Variants in NOX1 observed in about 807,000 individuals in gnomAD.
The protein encoded by NOX1 is NADPH oxidase 1, also known as NADH/NADPH mitogenic oxidase subunit P65-MOX.
In NOX1, 34 loss-of-function variants were observed where a neutral mutation model predicts 42.5. The observed-to-expected ratio is 0.80, with a 90% CI of 0.61 to 1.07. The LOEUF (loss-of-function observed/expected upper bound fraction) is 1.07, where lower values mean the gene tolerates loss of function less well. Among genes scored for constraint, NOX1 ranks in the 50% least tolerant of loss-of-function variants. The pLI is 0.00. For synonymous variants in NOX1, 143 were observed against 152.5 expected, an observed-to-expected ratio of 0.94 and a Z score of 0.46; for missense variants, 408 against 427.0, an observed-to-expected ratio of 0.96 and a Z score of 0.39.
intron 7 of NOX1, among the ~76,000 whole-genome samples, chrX:100,861,152 G>A (rs975497326): frequency 7.2e-5 from 8 of 111,418 alleles, no homozygotes; most frequent in African/African-American, 1.6e-4. Context: ...AACTTCCCAC[G>A]TGGTCTTAAG....
chrX:100,853,523 C>G (rs1358792973), intron 7 of NOX1, among the ~76,000 whole-genome samples: 1 of 105,921 alleles, frequency 9.4e-6, no homozygotes, highest in Admixed American at 1.0e-4. Flanking sequence ...GCTTCAGCCT[C>G]CCAAGTAGCT....
intron 7 of NOX1, among the ~76,000 whole-genome samples, chrX:100,855,031 T>C (rs2085156800): frequency 9.0e-6 from 1 of 111,368 alleles, no homozygotes; most frequent in Non-Finnish European, 1.9e-5. Context: ...GCAAAAAAAA[T>C]CTACATTAAA....
In NOX1 at chrX:100,850,319, C is replaced by T. The variant is rs372154041; in HGVS notation, c.965G>A (p.Gly322Glu). 1 of 1,209,033 alleles carries T rather than the reference C, an allele frequency of 8.3e-7. No individual in the cohort carries two copies. The highest frequency in any genetic ancestry group is 1.1e-6 in the Non-Finnish European group (1 of 893,954). Residue 322 changes from glycine (G) to glutamate (E), a missense_variant, in exon 9 of 13, where the codon GGG becomes GAG. Gly to Glu is a moderately conservative substitution (Grantham distance 98). Transcript: ENST00000372966. ...GGGGCAATTAACAAAGATATACTGC[C>T]CCACTTCCATGCTGAAGCCACGCTT... Reference protein sequence around the residue: ...MNKRGFSMEVGQYIFVNCPSI... With the variant: ...MNKRGFSMEVEQYIFVNCPSI...
At chrX:100,868,820 C>T (rs1265777554) in intron 2 of NOX1, among the ~76,000 whole-genome samples, 2 of 111,331 alleles carry the variant, frequency 1.8e-5, no homozygotes, top group African/African-American at 6.5e-5. Context: ...ATTAATCCAT[C>T]TTGAATTGAT....
chrX:100,863,066 G>C (rs924607352), intron 4 of NOX1, 93 bp downstream of exon 4: 69 of 718,885 alleles, frequency 9.6e-5, no homozygotes, highest in Non-Finnish European at 1.4e-4. Flanking sequence ...CCCAGTGCTC[G>C]ATAAATATTT....
chrX:100,853,332 C>CTTTTTCTTTCTTTCTT (rs1556128756), intron 7 of NOX1, among the ~76,000 whole-genome samples: 1 of 19,346 alleles, frequency 5.2e-5, no homozygotes, highest in African/African-American at 4.9e-4. Context: ...CTCTCTCTTT[C>CTTTTTCTTTCTTTCTT]TCTTTCTTTC....
intron 7 of NOX1, among the ~76,000 whole-genome samples, chrX:100,852,247 T>C (rs1345603972): frequency 8.9e-6 from 1 of 111,820 alleles, no homozygotes; most frequent in Non-Finnish European, 1.9e-5. Flanking sequence ...GGCGGGTGGA[T>C]CACTTGAGAT....
In NOX1 at chrX:100,849,844, G is replaced by A. The variant is rs1392797733; in HGVS notation, c.1224C>T (p.Thr408=). The A allele has an allele frequency of 8.3e-7, 1 of 1,210,964 alleles. No individual in the cohort carries two copies. The highest frequency in any genetic ancestry group is 2.2e-5 in the Admixed American group (1 of 46,009). Residue 408 remains threonine (T), a synonymous_variant, in exon 10 of 13, where the codon ACC becomes ACT. Transcript: ENST00000372966. ...TGGATTTCAAGATAGAAGCAAAGGG[G>A]GTGACCCCAATTCCTGCTCCAACCA... ...AVLVGAGIGV[T]PFASILKSIW... is the part of the protein sequence containing the mutation.
At chrX:100,868,675 A>C (rs1343729361) in intron 2 of NOX1, among the ~76,000 whole-genome samples, 3 of 111,331 alleles carry the variant, frequency 2.7e-5, no homozygotes, top group African/African-American at 9.8e-5. Flanking sequence ...CCATGACAGC[A>C]GTGTTTTCAA....
chrX:100,863,092 G>T, intron 4 of NOX1, 67 bp downstream of exon 4: 1 of 828,225 alleles, frequency 1.2e-6, no homozygotes, highest in Non-Finnish European at 1.8e-6. Flanking sequence ...ATGTGCATAT[G>T]GATGGATGAA....
At chrX:100,873,966 C>T in intron 1 of NOX1, 129 bp downstream of exon 1, 1 of 438,277 alleles carries the variant, frequency 2.3e-6, no homozygotes, top group Non-Finnish European at 3.9e-6. Context: ...TATTTTTTAA[C>T]TAACTGGTCT....
chrX:100,843,414 AGTAAACAT>A lies in NOX1; in HGVS notation c.*530_*537del. 5 of 1,146,337 alleles carry A rather than the reference AGTAAACAT, an allele frequency of 4.4e-6. No individual in the cohort carries two copies. Among genetic ancestry groups the A allele is most frequent in the Non-Finnish European group, 5.8e-6 (5 of 865,207 alleles). 94.5% of individuals were successfully genotyped at this position (1,146,337 alleles called of 1,213,427 possible). On this transcript the variant is annotated 3_prime_UTR_variant, in exon 13 of 13. Coordinates refer to ENST00000372966, the MANE Select transcript of NOX1 (RefSeq NM_007052.5). ...TGGATAAGACCATATCAAAAGTGAC[AGTAAACAT>A]GTACACTGTTGGTGTTATATGGGGA...
chrX:100,850,427 T>TTAGA (rs777049655), intron 8 of NOX1, 41 bp from the exon 9 acceptor site: 28 of 916,707 alleles, frequency 3.1e-5, no homozygotes, highest in Non-Finnish European at 4.2e-5. Flanking sequence ...CAAACTCTAA[T>TTAGA]GACGACAGGG....
rs184749471 is a variant in NOX1, at chrX:100,845,596, A to G, written c.1569-1518T>C. Among the ~76,000 whole-genome samples the G allele has an allele frequency of 3.4e-3, 336 of 98,168 alleles. 4 individuals are homozygous for G. Among genetic ancestry groups the G allele is most frequent in the African/African-American group, 0.012 (313 of 26,328 alleles). 85.2% of individuals were successfully genotyped at this position (98,168 alleles called of 115,157 possible). ...TAACAAGGAGTGGGATTGCTGGGTC[A>G]TATGGAAACTATGTGTTTTTTTTTT... On this transcript the variant is annotated intron_variant, in intron 12 of 12. Coordinates refer to ENST00000372966, the MANE Select transcript of NOX1 (RefSeq NM_007052.5).
rs777820179 is a variant in NOX1, at chrX:100,866,869, A to G, written c.142-3274T>C. 8.1e-5 allele frequency among the ~76,000 whole-genome samples: 9 copies of G among 110,653 alleles called. No individual in the cohort carries two copies. The South Asian group carries it at 3.5e-3, about 43-fold the overall frequency. ...AACCCAGACTTCATCACTATGCAAT[A>G]TATGCATGTAAGAAACCTACACTTG... On this transcript the variant is annotated intron_variant, in intron 2 of 12. Coordinates refer to ENST00000372966, the MANE Select transcript of NOX1 (RefSeq NM_007052.5).
chrX:100,859,113 C>G (rs181456896), intron 7 of NOX1, among the ~76,000 whole-genome samples: 16 of 111,629 alleles, frequency 1.4e-4, no homozygotes, highest in African/African-American at 5.2e-4. Context: ...TCCAGCAATG[C>G]CTAGTTTGCT....
chrX:100,866,032 C>A (rs969109042), intron 2 of NOX1, among the ~76,000 whole-genome samples: 1 of 111,047 alleles, frequency 9.0e-6, no homozygotes, highest in African/African-American at 3.3e-5. Flanking sequence ...ATCAGCCTGG[C>A]CAACATGGTG....
chrX:100,853,336 T>TCTTTC (rs1569445724), intron 7 of NOX1, among the ~76,000 whole-genome samples: 32 of 83,060 alleles, frequency 3.9e-4, no homozygotes, highest in East Asian at 8.0e-4. Context: ...CTCTTTCTCT[T>TCTTTC]TCTTTCTTTC....
At chrX:100,853,332 C>CTCTTTCTTTCTT (rs757872071) in intron 7 of NOX1, among the ~76,000 whole-genome samples, 6 of 19,344 alleles carry the variant, frequency 3.1e-4, no homozygotes, top group African/African-American at 2.5e-3. Flanking sequence ...CTCTCTCTTT[C>CTCTTTCTTTCTT]TCTTTCTTTC....
Sources: gnomAD v4.1 joint callset for allele counts (sites outside exome capture counted in the v4.1 genomes callset) on GRCh38, gnomAD v4.1.1 for gene constraint, MANE v1.5 for transcripts, NCBI Gene and HGNC (gene_info 2026-07-23, HGNC 2026-07-21) for gene names.